AGBL4: variants seen among roughly 807,000 people sequenced by gnomAD.
The protein encoded by AGBL4 is cytosolic carboxypeptidase 6.
A neutral mutation model predicts 66.4 loss-of-function variants in AGBL4; 58 were observed. The observed-to-expected ratio is 0.87, with a 90% CI of 0.71 to 1.09. AGBL4 has a LOEUF of 1.09. AGBL4 is among the 50% of genes least tolerant of loss of function. AGBL4 has a pLI of 0.00. For missense variants in AGBL4, 579 were observed against 631.0 expected (o/e 0.92, Z 0.88); for synonymous variants, 234 against 222.9 (o/e 1.05, Z -0.44).
intron 2 of AGBL4, among the ~76,000 whole-genome samples, chr1:49,727,864 CTTATTA>C (rs771543570): frequency 6.6e-6 from 1 of 151,854 alleles, no homozygotes; most frequent in African/African-American, 2.4e-5. Flanking sequence ...AACATTATGA[CTTATTA>C]TTATTATTAT....
chr1:49,663,758 A>G (rs1195241786), intron 3 of AGBL4, among the ~76,000 whole-genome samples: 2 of 152,134 alleles, frequency 1.3e-5, no homozygotes, highest in Admixed American at 6.6e-5. Context: ...TTTGGTACCA[A>G]AAGAGTATAA....
At chr1:49,161,587 C>A (rs2148141577) in intron 4 of AGBL4, among the ~76,000 whole-genome samples, 1 of 152,306 alleles carries the variant, frequency 6.6e-6, no homozygotes, top group Non-Finnish European at 1.5e-5. Context: ...GGACGATTAG[C>A]ACCTCAGGGC....
intron 3 of AGBL4, among the ~76,000 whole-genome samples, chr1:49,532,181 T>C (rs996388440): frequency 2.6e-5 from 4 of 152,122 alleles, no homozygotes; most frequent in Admixed American, 1.3e-4. Context: ...TAGACTGTCA[T>C]CTCTATGAAG....
intron 2 of AGBL4, among the ~76,000 whole-genome samples, chr1:49,779,360 A>T (rs1644279154): frequency 1.3e-5 from 2 of 152,126 alleles, no homozygotes; most frequent in African/African-American, 4.8e-5. Context: ...AGGAAAATAA[A>T]ATGGTGCCAG....
chr1:49,154,167 G>C (rs1185460699), intron 4 of AGBL4, among the ~76,000 whole-genome samples: 1 of 152,044 alleles, frequency 6.6e-6, no homozygotes, highest in East Asian at 1.9e-4. Context: ...AATTAACGTT[G>C]TCTATGGGTG....
intron 3 of AGBL4, among the ~76,000 whole-genome samples, chr1:49,303,451 T>TTTTA (rs141772658): frequency 8.0e-4 from 118 of 147,348 alleles, no homozygotes; most frequent in African/African-American, 3.0e-3. Context: ...CATAAATGTC[T>TTTTA]TTTATTTATT....
intron 1 of AGBL4, among the ~76,000 whole-genome samples, chr1:50,014,188 C>T (rs139367763): frequency 5.3e-5 from 8 of 151,894 alleles, no homozygotes; most frequent in Admixed American, 2.0e-4. Context: ...ATGGCCAACA[C>T]GGTGAAACCC....
chr1:48,805,815 T>C (rs990895647), intron 6 of AGBL4, among the ~76,000 whole-genome samples: 4 of 152,160 alleles, frequency 2.6e-5, no homozygotes, highest in Non-Finnish European at 5.9e-5. Flanking sequence ...TCCTCATCTG[T>C]GAACAGGACA....
At chr1:48,803,593 A>T (rs1484690682) in intron 6 of AGBL4, among the ~76,000 whole-genome samples, 1 of 152,234 alleles carries the variant, frequency 6.6e-6, no homozygotes, top group Non-Finnish European at 1.5e-5. Flanking sequence ...AAACAAAGGA[A>T]TTACAAAATT....
intron 3 of AGBL4, among the ~76,000 whole-genome samples, chr1:49,418,363 C>T (rs1645473592): frequency 1.3e-5 from 2 of 152,150 alleles, no homozygotes; most frequent in Admixed American, 6.5e-5. Context: ...GAAATAGATA[C>T]TGTGACAAGA....
chr1:48,980,653 A>G (rs1659674562), intron 5 of AGBL4, among the ~76,000 whole-genome samples: 1 of 149,714 alleles, frequency 6.7e-6, no homozygotes, highest in Non-Finnish European at 1.5e-5. Flanking sequence ...TGGACAGCAC[A>G]GACAGGTCTT....
At chr1:48,534,398 A>T in intron 13 of AGBL4, 105 bp from the exon 14 acceptor site, 1 of 1,395,990 alleles carries the variant, frequency 7.2e-7, no homozygotes, top group Non-Finnish European at 9.5e-7. Flanking sequence ...GTAGCCTCCC[A>T]GGAACAGTAA....
intron 1 of AGBL4, among the ~76,000 whole-genome samples, chr1:49,960,847 C>T (rs756859797): frequency 1.6e-4 from 25 of 152,152 alleles, no homozygotes; most frequent in Non-Finnish European, 2.2e-4. Flanking sequence ...CTCTTATGCA[C>T]TGTGTTGCAG....
intron 6 of AGBL4, among the ~76,000 whole-genome samples, chr1:48,774,077 C>T (rs1328657419): frequency 6.6e-6 from 1 of 152,240 alleles, no homozygotes; most frequent in African/African-American, 2.4e-5. Context: ...CTCAGTATAG[C>T]AACATACTTC....
chr1:49,753,255 G>A (rs373444664), intron 2 of AGBL4, among the ~76,000 whole-genome samples: 14 of 152,308 alleles, frequency 9.2e-5, no homozygotes, highest in East Asian at 5.8e-4. Context: ...TCTTGCACGG[G>A]CAAGGCTGAT....
intron 1 of AGBL4, among the ~76,000 whole-genome samples, chr1:49,982,145 T>G (rs1659107368): frequency 6.6e-6 from 1 of 152,210 alleles, no homozygotes; most frequent in African/African-American, 2.4e-5. Context: ...CATTAAGATG[T>G]GTTCAAAATT....
intron 2 of AGBL4, among the ~76,000 whole-genome samples, chr1:49,717,823 T>C (rs1369359323): frequency 1.3e-5 from 2 of 151,946 alleles, no homozygotes; most frequent in Non-Finnish European, 2.9e-5. Flanking sequence ...ACCTCAAAAG[T>C]TGTTAAGTAA....
chr1:48,592,436 A>T (rs924218376), intron 9 of AGBL4, among the ~76,000 whole-genome samples: 3 of 152,202 alleles, frequency 2.0e-5, no homozygotes, highest in Admixed American at 2.0e-4. Context: ...GTGAAAAATT[A>T]TGTCTTGCCA....
intron 3 of AGBL4, among the ~76,000 whole-genome samples, chr1:49,315,336 A>G (rs913164532): frequency 6.6e-6 from 1 of 152,216 alleles, no homozygotes. Flanking sequence ...AGGCATGGGC[A>G]AAGACTTCAT....
Sources: gnomAD v4.1 joint callset for allele counts (sites outside exome capture counted in the v4.1 genomes callset) on GRCh38, gnomAD v4.1.1 for gene constraint, MANE v1.5 for transcripts, NCBI Gene and HGNC (gene_info 2026-07-23, HGNC 2026-07-21) for gene names.